Variants in ANK3 observed in about 807,000 individuals in gnomAD.
ANK3 encodes ankyrin 3.
A neutral mutation model predicts 370.9 loss-of-function variants in ANK3; 57 were observed. The observed-to-expected ratio is 0.15, with a 90% CI of 0.12 to 0.19. ANK3 has a LOEUF of 0.19. Ranked by LOEUF, ANK3 falls within the 10% of genes least tolerant of loss-of-function variation. The pLI is 1.00. For synonymous variants in ANK3, 1,929 were observed against 1,946.3 expected (o/e 0.99, Z 0.23); for missense variants, 4,439 against 5,302.1 (o/e 0.84, Z 5.06).
chr10:60,219,398 T>A (rs2097001589), intron 8 of ANK3, among the ~76,000 whole-genome samples: 1 of 152,276 alleles, frequency 6.6e-6, no homozygotes, highest in Non-Finnish European at 1.5e-5. Flanking sequence ...AAGGGGTTTA[T>A]CAGATCATTA....
chr10:60,169,480 T>C (rs1238918530), intron 21 of ANK3, among the ~76,000 whole-genome samples: 1 of 150,090 alleles, frequency 6.7e-6, no homozygotes, highest in African/African-American at 2.4e-5. Flanking sequence ...ACCATCAACA[T>C]GACTTATCAT....
chr10:60,664,899 G>T (rs930756134), intron 1 of ANK3, among the ~76,000 whole-genome samples: 3 of 152,192 alleles, frequency 2.0e-5, no homozygotes, highest in Non-Finnish European at 4.4e-5. Context: ...GATTTAAATT[G>T]CTTTTATATC....
At chr10:60,531,212 A>G (rs1022830984) in intron 2 of ANK3, among the ~76,000 whole-genome samples, 2 of 152,062 alleles carry the variant, frequency 1.3e-5, no homozygotes. Context: ...ATAGATTATG[A>G]GACAATCATG....
chr10:60,724,115 C>T (rs1364083943), intron 1 of ANK3, among the ~76,000 whole-genome samples: 1 of 119,990 alleles, frequency 8.3e-6, no homozygotes, highest in Non-Finnish European at 1.7e-5. Context: ...GAGGCTGAGG[C>T]AGGAAAATGG....
At chr10:60,584,941 T>G (rs10821797) in intron 2 of ANK3, among the ~76,000 whole-genome samples, 62 of 151,942 alleles carry the variant, frequency 4.1e-4, no homozygotes, top group Non-Finnish European at 8.2e-4. Flanking sequence ...AAGGTCACTA[T>G]GTGGCTCTGG....
chr10:60,464,825 A>G (rs949576608), intron 2 of ANK3, among the ~76,000 whole-genome samples: 2 of 152,204 alleles, frequency 1.3e-5, no homozygotes, highest in African/African-American at 4.8e-5. Context: ...GTCACCCTAA[A>G]GCATCAAAAA....
upstream of ANK3, among the ~76,000 whole-genome samples, chr10:60,390,873 G>C (rs543311426): frequency 1.9e-3 from 284 of 152,216 alleles, no homozygotes; most frequent in Non-Finnish European, 3.3e-3. Context: ...TAACTTTGGC[G>C]GTCGGTGCAT....
intron 1 of ANK3, among the ~76,000 whole-genome samples, chr10:60,347,106 A>C (rs911086358): frequency 2.7e-5 from 4 of 150,590 alleles, no homozygotes; most frequent in Admixed American, 6.6e-5. Flanking sequence ...AGTACTGTAC[A>C]TACATACTAG....
intron 1 of ANK3, among the ~76,000 whole-genome samples, chr10:60,667,173 T>C (rs1007007577): frequency 1.0e-5 from 1 of 97,444 alleles, no homozygotes; most frequent in Non-Finnish European, 2.0e-5. Flanking sequence ...TTATATTATA[T>C]TATATTATAT....
At chr10:60,643,914 G>A (rs995007497) in intron 1 of ANK3, among the ~76,000 whole-genome samples, 12 of 152,174 alleles carry the variant, frequency 7.9e-5, no homozygotes, top group African/African-American at 2.9e-4. Flanking sequence ...AAGTTGTGCT[G>A]AGTATCAAAG....
intron 1 of ANK3, among the ~76,000 whole-genome samples, chr10:60,714,857 A>G (rs1399224100): frequency 1.3e-5 from 2 of 152,212 alleles, no homozygotes; most frequent in African/African-American, 2.4e-5. Flanking sequence ...AGTGGGGCAC[A>G]GAAGATTTTT....
chr10:60,664,645 A>C (rs16915314), intron 1 of ANK3, among the ~76,000 whole-genome samples: 6,231 of 152,256 alleles, frequency 0.041, 161 homozygotes, highest in Middle Eastern at 0.075. Context: ...AAATCTAAAA[A>C]ATAATTGACC....
intron 2 of ANK3, among the ~76,000 whole-genome samples, chr10:60,444,790 G>GT (rs1281942500): frequency 6.6e-6 from 1 of 152,108 alleles, no homozygotes. Context: ...TGAATACATG[G>GT]TAAGAGTTGT....
At chr10:60,051,520 C>G in intron 42 of ANK3, 1 of 985,780 alleles carries the variant, frequency 1.0e-6, no homozygotes, top group Non-Finnish European at 1.2e-6. Flanking sequence ...TGACTCTCCG[C>G]TCTTCCTCTG....
rs538864361 is a variant in ANK3, at chr10:60,584,285, C to T, written c.96+30901G>A. 3.9e-5 allele frequency among the ~76,000 whole-genome samples: 6 copies of T among 152,230 alleles called. No individual in the cohort carries two copies. In the South Asian group the frequency reaches 8.3e-4, roughly 21 times the overall value. On this transcript the variant is annotated intron_variant, in intron 2 of 43. Coordinates refer to the ANK3 transcript ENST00000373827. ...GAATAGCTATCTGGTGTCAAAACTA[C>T]GTCATCAAAATGTCCTTAGCATTTT...
At chr10:60,456,307 T>C (rs1467793474) in intron 2 of ANK3, among the ~76,000 whole-genome samples, 1 of 152,236 alleles carries the variant, frequency 6.6e-6, no homozygotes, top group Non-Finnish European at 1.5e-5. Context: ...TCACTCACTT[T>C]CTTGGAATGA....
chr10:60,491,737 T>C (rs532565155), intron 2 of ANK3, among the ~76,000 whole-genome samples: 1 of 152,304 alleles, frequency 6.6e-6, no homozygotes, highest in South Asian at 2.1e-4. Flanking sequence ...GGTGTAGTGC[T>C]TAAGAGTACT....
intron 38 of ANK3, among the ~76,000 whole-genome samples, chr10:60,066,885 A>G (rs1352517423): frequency 2.6e-5 from 4 of 152,110 alleles, no homozygotes; most frequent in African/African-American, 7.2e-5. Flanking sequence ...GAATTGTCCA[A>G]TTTGTCCAAT....
Position 60,348,363 on chromosome 10 carries a change from A to C in ANK3, c.114+41062T>G, listed in dbSNP as rs201710888. ...ATCACTAGCCAAAAAAAAAAAAAAA[A>C]AAAAAAACACAAAAAACAAAAAAAA... On this transcript the variant is annotated intron_variant, in intron 1 of 43. Coordinates refer to ENST00000280772, the MANE Select transcript of ANK3 (RefSeq NM_020987.5). Among the ~76,000 whole-genome samples, 98 of 89,496 alleles carry C rather than the reference A, an allele frequency of 1.1e-3. 3 individuals carry two copies. The highest frequency in any genetic ancestry group is 2.9e-3 in the East Asian group (9 of 3,084). The allele number at this position is 89,496 out of a possible 152,430, so 58.7% of individuals were successfully genotyped here.
Sources: allele counts gnomAD v4.1 joint callset (sites outside exome capture counted in the v4.1 genomes callset), GRCh38; gene constraint gnomAD v4.1.1; transcripts MANE v1.5; gene names NCBI Gene and HGNC (gene_info 2026-07-23, HGNC 2026-07-21).